The following MIPOL1 variants were observed in gnomAD, a reference collection of about 807,000 sequenced individuals.
MIPOL1 encodes mirror-image polydactyly gene 1 protein.
MIPOL1 carries 57 observed loss-of-function variants against 60.9 expected under a neutral mutation model. The observed-to-expected ratio is 0.94, with a 90% confidence interval of 0.76 to 1.17. The LOEUF is 1.17. Among genes scored for constraint, MIPOL1 ranks in the 50% most tolerant of loss-of-function variants. The pLI, the probability that MIPOL1 is intolerant of heterozygous loss-of-function variation, is 0.00. For synonymous variants in MIPOL1, 179 were observed against 168.8 expected, an observed-to-expected ratio of 1.06 and a Z score of -0.47; for missense variants, 551 against 511.6, an observed-to-expected ratio of 1.08 and a Z score of -0.74.
chr14:37,419,990 C>T (rs1322660756), intron 10 of MIPOL1, among the ~76,000 whole-genome samples: 3 of 151,704 alleles, frequency 2.0e-5, no homozygotes, highest in Non-Finnish European at 2.9e-5. Context: ...ATCCTCCCAC[C>T]TTAGCTTGCC....
At chr14:37,371,590 A>G (rs1327772447) in intron 10 of MIPOL1, among the ~76,000 whole-genome samples, 1 of 152,090 alleles carries the variant, frequency 6.6e-6, no homozygotes, top group African/African-American at 2.4e-5. Context: ...TTAATTTTTT[A>G]AAACTCATCA....
intron 12 of MIPOL1, among the ~76,000 whole-genome samples, chr14:37,517,327 G>A (rs539232521): frequency 1.3e-5 from 2 of 152,244 alleles, no homozygotes; most frequent in Admixed American, 1.3e-4. Flanking sequence ...CAGAAAGGGA[G>A]AAAAATTATA....
At chr14:37,204,204 C>G (rs1186823537) in intron 1 of MIPOL1, among the ~76,000 whole-genome samples, 2 of 152,020 alleles carry the variant, frequency 1.3e-5, no homozygotes, top group East Asian at 1.9e-4. Context: ...TTTGAGAGAC[C>G]CTGGGCTGGA....
intron 1 of MIPOL1, among the ~76,000 whole-genome samples, chr14:37,239,595 A>G (rs1157982765): frequency 6.6e-6 from 1 of 152,178 alleles, no homozygotes; most frequent in Non-Finnish European, 1.5e-5. Context: ...AGGAAGAATA[A>G]AACTAATTGT....
At chr14:37,214,000 G>C (rs1042507578) in intron 1 of MIPOL1, among the ~76,000 whole-genome samples, 1 of 152,134 alleles carries the variant, frequency 6.6e-6, no homozygotes, top group Non-Finnish European at 1.5e-5. Flanking sequence ...ACATGAAAGA[G>C]AAATAAAGGC....
rs139055324 is a variant in MIPOL1, at chr14:37,405,435, C to A, written c.937-17420C>A. On this transcript the variant is annotated intron_variant, in intron 10 of 12. Transcript: ENST00000684589. ...CATCTCTTAAAAACTTCAGTTTACT[C>A]GTTTTAATGTCTATATGCCAACTAA... Among the ~76,000 whole-genome samples the A allele has an allele frequency of 5.2e-3, 790 of 152,184 alleles. 5 individuals carry two copies. The highest frequency in any genetic ancestry group is 8.3e-3 in the Non-Finnish European group (564 of 67,976).
chr14:37,467,369 G>A (rs1029178322), intron 11 of MIPOL1, among the ~76,000 whole-genome samples: 3 of 152,200 alleles, frequency 2.0e-5, no homozygotes, highest in Admixed American at 2.0e-4. Context: ...TCATCTTGGT[G>A]TAAATGATTA....
chr14:37,318,341 A>G (rs1296678794), intron 9 of MIPOL1, among the ~76,000 whole-genome samples: 1 of 152,214 alleles, frequency 6.6e-6, no homozygotes, highest in African/African-American at 2.4e-5. Flanking sequence ...TTTGACAAAA[A>G]GGTTATACTC....
intron 1 of MIPOL1, among the ~76,000 whole-genome samples, chr14:37,226,619 A>G (rs1289169695): frequency 1.3e-5 from 2 of 152,120 alleles, no homozygotes; most frequent in African/African-American, 4.8e-5. Context: ...ACAATTCAAG[A>G]TGACTTTTGG....
Position 37,475,882 on chromosome 14 carries a change from A to G in MIPOL1, c.1032-24026A>G, listed in dbSNP as rs190161492. 8.3e-4 allele frequency among the ~76,000 whole-genome samples: 126 copies of G among 152,244 alleles called. 1 individual carries two copies. In the East Asian group the frequency reaches 0.023, roughly 28 times the overall value. On this transcript the variant is annotated intron_variant, in intron 11 of 12. Transcript: ENST00000684589. Reference sequence around the variant, plus strand: ...TCAGTCCTCCAATATTGTTCTCCTTATATACTGAGTTGACTATTTGGGGTC... The same window carrying G: ...TCAGTCCTCCAATATTGTTCTCCTTGTATACTGAGTTGACTATTTGGGGTC...
At chr14:37,291,914 ATTTTT>A (rs57230205) in intron 7 of MIPOL1, among the ~76,000 whole-genome samples, 4 of 92,974 alleles carry the variant, frequency 4.3e-5, no homozygotes, top group Non-Finnish European at 5.8e-5. Context: ...AATGGCAATA[ATTTTT>A]TTTTTTTTTT....
chr14:37,218,852 G>T (rs941658502), intron 1 of MIPOL1, among the ~76,000 whole-genome samples: 16 of 148,916 alleles, frequency 1.1e-4, no homozygotes, highest in South Asian at 4.3e-4. Context: ...TTGAGCCCAG[G>T]AATTTGAGGC....
At chr14:37,407,605 T>A (rs1595635001) in intron 10 of MIPOL1, among the ~76,000 whole-genome samples, 2 of 152,220 alleles carry the variant, frequency 1.3e-5, no homozygotes, top group East Asian at 3.9e-4. Flanking sequence ...GCTGCTTTAG[T>A]GATTAAACTG....
intron 11 of MIPOL1, among the ~76,000 whole-genome samples, chr14:37,482,044 AG>A (rs2094878916): frequency 6.6e-6 from 1 of 152,148 alleles, no homozygotes; most frequent in Non-Finnish European, 1.5e-5. Flanking sequence ...GACCCCAAAA[AG>A]CATAGGCAAC....
chr14:37,365,380 C>G (rs1408233811), intron 9 of MIPOL1, among the ~76,000 whole-genome samples: 1 of 152,056 alleles, frequency 6.6e-6, no homozygotes, highest in Non-Finnish European at 1.5e-5. Context: ...AATGTACATT[C>G]CTTCTATACC....
intron 10 of MIPOL1, among the ~76,000 whole-genome samples, chr14:37,397,568 G>A (rs2093398256): frequency 6.6e-6 from 1 of 152,112 alleles, no homozygotes; most frequent in African/African-American, 2.4e-5. Flanking sequence ...GTACATGTAT[G>A]CCCTTTGTCT....
intron 3 of MIPOL1, among the ~76,000 whole-genome samples, chr14:37,260,344 A>G (rs534038502): frequency 1.2e-4 from 19 of 152,116 alleles, no homozygotes; most frequent in African/African-American, 4.6e-4. Context: ...TTGTTCCAGT[A>G]TATTTTAGGA....
chr14:37,389,227 T>A (rs2093164904), intron 10 of MIPOL1, among the ~76,000 whole-genome samples: 1 of 149,464 alleles, frequency 6.7e-6, no homozygotes, highest in Admixed American at 6.8e-5. Context: ...GAATGAAGGG[T>A]GGTAAAAAAA....
chr14:37,447,077 TAATAA>T (rs949875544), intron 11 of MIPOL1, among the ~76,000 whole-genome samples: 4 of 151,432 alleles, frequency 2.6e-5, no homozygotes, highest in Admixed American at 6.6e-5. Flanking sequence ...AGTATAATAA[TAATAA>T]AATAAAATAA....
Sources: gnomAD v4.1 joint callset for allele counts (sites outside exome capture counted in the v4.1 genomes callset) on GRCh38, gnomAD v4.1.1 for gene constraint, MANE v1.5 for transcripts, NCBI Gene and HGNC (gene_info 2026-07-23, HGNC 2026-07-21) for gene names.